SUPT3H: variants seen among roughly 807,000 people sequenced by gnomAD.
SUPT3H encodes SPT3 homolog, SAGA and STAGA complex component, also known as transcription initiation protein SPT3 homolog.
A neutral mutation model predicts 44.3 loss-of-function variants in SUPT3H; 44 were observed. The ratio of observed to expected loss-of-function variants is 0.99; its 90% confidence interval spans 0.78 to 1.28. The LOEUF is 1.28. Among genes scored for constraint, SUPT3H ranks in the 50% most tolerant of loss-of-function variants. The probability of loss-of-function intolerance (pLI) is 0.00; values close to 1 mark genes in which losing one functional copy is unlikely to be tolerated. For missense variants in SUPT3H, 380 were observed against 387.1 expected, an observed-to-expected ratio of 0.98 and a Z score of 0.15; for synonymous variants, 124 against 125.6, an observed-to-expected ratio of 0.99 and a Z score of 0.09.
chr6:44,889,024 A>T lies in SUPT3H; in HGVS notation c.912+43629T>A, dbSNP rs968495639. Among the ~76,000 whole-genome samples the T allele has an allele frequency of 3.4e-5, 5 of 148,484 alleles. No homozygotes were observed. In the South Asian group the frequency reaches 9.0e-4, roughly 27 times the overall value. ...GTGAACTCCCATGCACAATTGCTTC[A>T]AAGAGAATAAAATACCTAGGAATCC... is the stretch of plus-strand genomic sequence containing the variant. On this transcript the variant is annotated intron_variant, in intron 10 of 10. Coordinates refer to ENST00000371459, the MANE Select transcript of SUPT3H (RefSeq NM_003599.4).
intron 10 of SUPT3H, among the ~76,000 whole-genome samples, chr6:44,917,352 T>G (rs1044327477): frequency 6.6e-6 from 1 of 152,208 alleles, no homozygotes; most frequent in Non-Finnish European, 1.5e-5. Context: ...TGTATACACA[T>G]ACATATACAT....
chr6:45,233,915 C>A (rs1220374822), intron 2 of SUPT3H, among the ~76,000 whole-genome samples: 2 of 152,136 alleles, frequency 1.3e-5, no homozygotes, highest in African/African-American at 2.4e-5. Flanking sequence ...AAATAGATGT[C>A]CTTTATTGGG....
At chr6:44,915,707 A>G (rs1767704615) in intron 10 of SUPT3H, among the ~76,000 whole-genome samples, 1 of 152,228 alleles carries the variant, frequency 6.6e-6, no homozygotes, top group Non-Finnish European at 1.5e-5. Flanking sequence ...TAACTCAGAC[A>G]TTCATTTCTA....
At chr6:45,158,290 ATATATATATT>A (rs1158285374) in intron 2 of SUPT3H, among the ~76,000 whole-genome samples, 1 of 39,788 alleles carries the variant, frequency 2.5e-5, no homozygotes, top group Non-Finnish European at 5.4e-5. Context: ...ATATATATAT[ATATATATATT>A]TTTTTTTTTT....
chr6:44,837,391 G>A (rs1770115479), intron 10 of SUPT3H, among the ~76,000 whole-genome samples: 1 of 152,204 alleles, frequency 6.6e-6, no homozygotes, highest in Non-Finnish European at 1.5e-5. Flanking sequence ...TGACTAGCAG[G>A]TAGCTTCTTT....
intron 3 of SUPT3H, among the ~76,000 whole-genome samples, chr6:45,045,234 C>T (rs1338729366): frequency 6.6e-6 from 1 of 152,150 alleles, no homozygotes; most frequent in Non-Finnish European, 1.5e-5. Context: ...AGAAGACCAT[C>T]AGTGGTCTAT....
intron 2 of SUPT3H, among the ~76,000 whole-genome samples, chr6:45,184,948 T>A (rs1813932580): frequency 6.6e-6 from 1 of 152,114 alleles, no homozygotes; most frequent in South Asian, 2.1e-4. Flanking sequence ...AATGGTACAT[T>A]AAATTTCCAC....
At chr6:45,258,260 G>A (rs992327976) in intron 2 of SUPT3H, among the ~76,000 whole-genome samples, 2 of 152,092 alleles carry the variant, frequency 1.3e-5, no homozygotes, top group South Asian at 2.1e-4. Flanking sequence ...TTAAATGAGC[G>A]TTGTCAGCAA....
chr6:45,087,192 T>A (rs1020478196), intron 3 of SUPT3H, among the ~76,000 whole-genome samples: 5 of 151,990 alleles, frequency 3.3e-5, no homozygotes, highest in Admixed American at 3.3e-4. Context: ...AGTGTTAAAG[T>A]GCAGAACTAC....
intron 10 of SUPT3H, among the ~76,000 whole-genome samples, chr6:44,858,817 T>C (rs999120900): frequency 6.6e-6 from 1 of 152,218 alleles, no homozygotes; most frequent in Non-Finnish European, 1.5e-5. Context: ...GACTTAATGA[T>C]ATTTTTGGGA....
At position 45,154,738 on chromosome 6, in the gene SUPT3H, A is replaced by C. The variant is rs543074210; in HGVS notation, c.102-48732T>G. ...CCCTGCACCCATCAACCCTATCCCC[A>C]ATGAGGAAGAATATGTAGCATCTAA... On this transcript the variant is annotated intron_variant, in intron 2 of 10. Coordinates refer to ENST00000371459, the MANE Select transcript of SUPT3H (RefSeq NM_003599.4). Among the ~76,000 whole-genome samples the C allele has an allele frequency of 5.9e-5, 9 of 152,256 alleles. No homozygotes were observed. In the East Asian group the frequency reaches 1.7e-3, roughly 29 times the overall value.
At chr6:45,133,498 G>A (rs903793347) in intron 2 of SUPT3H, among the ~76,000 whole-genome samples, 1 of 152,126 alleles carries the variant, frequency 6.6e-6, no homozygotes, top group Non-Finnish European at 1.5e-5. Context: ...AGTCCTGCTT[G>A]ATGGGAGGAC....
intron 3 of SUPT3H, among the ~76,000 whole-genome samples, chr6:45,050,413 A>G (rs2153535656): frequency 6.6e-6 from 1 of 151,966 alleles, no homozygotes; most frequent in South Asian, 2.1e-4. Context: ...AACACAAAAT[A>G]ACACAAGAAG....
intron 10 of SUPT3H, among the ~76,000 whole-genome samples, chr6:44,846,642 T>G (rs541119335): frequency 7.9e-5 from 12 of 152,108 alleles, no homozygotes; most frequent in Non-Finnish European, 1.8e-4. Context: ...TTTTTTTTTT[T>G]TCTTTTTGAG....
At chr6:45,000,061 T>C (rs887427200) in intron 6 of SUPT3H, among the ~76,000 whole-genome samples, 8 of 151,986 alleles carry the variant, frequency 5.3e-5, no homozygotes, top group African/African-American at 1.9e-4. Flanking sequence ...TATGTAAATG[T>C]ATATACACAT....
chr6:45,016,606 T>A (rs555106431), intron 4 of SUPT3H, among the ~76,000 whole-genome samples: 1 of 150,976 alleles, frequency 6.6e-6, no homozygotes, highest in South Asian at 2.1e-4. Context: ...TGGTTTTTTG[T>A]CCTTGTGATA....
intron 2 of SUPT3H, among the ~76,000 whole-genome samples, chr6:45,149,703 G>A (rs2153595176): frequency 6.6e-6 from 1 of 152,300 alleles, no homozygotes; most frequent in East Asian, 1.9e-4. Flanking sequence ...TAAGGTAGAT[G>A]TTATCTGGTC....
chr6:45,018,399 G>A (rs2153516387), intron 4 of SUPT3H, among the ~76,000 whole-genome samples: 1 of 150,942 alleles, frequency 6.6e-6, no homozygotes, highest in South Asian at 2.1e-4. Context: ...TAGGAGTGGT[G>A]AGAGAGGGCA....
intron 10 of SUPT3H, among the ~76,000 whole-genome samples, chr6:44,901,610 T>G (rs1351444796): frequency 8.6e-5 from 13 of 151,416 alleles, no homozygotes; most frequent in Admixed American, 8.6e-4. Flanking sequence ...CAGGATATTA[T>G]CCAGGAGAAC....
Sources: gnomAD v4.1 joint callset for allele counts (sites outside exome capture counted in the v4.1 genomes callset) on GRCh38, gnomAD v4.1.1 for gene constraint, MANE v1.5 for transcripts, NCBI Gene and HGNC (gene_info 2026-07-23, HGNC 2026-07-21) for gene names.